Variants in AK4 observed in about 807,000 individuals in gnomAD.
AK4 encodes the protein adenylate kinase 4.
In AK4, 13 loss-of-function variants were observed where a neutral mutation model predicts 24.6. That is an observed-to-expected ratio of 0.53 (90% CI 0.34 to 0.84). The LOEUF is 0.84. Ranked by LOEUF, AK4 falls within the 40% of genes least tolerant of loss-of-function variation. AK4 has a pLI of 0.01. For synonymous variants in AK4, 88 were observed against 107.0 expected, an observed-to-expected ratio of 0.82 and a Z score of 1.10; for missense variants, 192 against 288.2, an observed-to-expected ratio of 0.67 and a Z score of 2.42.
At chr1:65,170,852 G>A (rs1312296130) in intron 1 of AK4, among the ~76,000 whole-genome samples, 3 of 151,978 alleles carry the variant, frequency 2.0e-5, no homozygotes, top group Admixed American at 1.3e-4. Context: ...TAGTTCAAGT[G>A]TTACGCAAGG....
chr1:65,202,200 G>T (rs1016184170), intron 2 of AK4, among the ~76,000 whole-genome samples: 1 of 148,564 alleles, frequency 6.7e-6, no homozygotes, highest in East Asian at 2.1e-4. Context: ...GATTGAGACC[G>T]TCCTGGCTAA....
At chr1:65,196,518 T>G (rs1651477354) in intron 2 of AK4, among the ~76,000 whole-genome samples, 1 of 152,160 alleles carries the variant, frequency 6.6e-6, no homozygotes, top group African/African-American at 2.4e-5. Context: ...CAGGCTGGAG[T>G]GCAGTGGCAT....
intron 4 of AK4, 106 bp from the exon 5 acceptor site, chr1:65,225,957 A>G: frequency 8.3e-7 from 1 of 1,204,288 alleles, no homozygotes. Context: ...AGTGTGGTAT[A>G]TGATATAGAC....
At chr1:65,185,249 T>C (rs979100297) in intron 1 of AK4, among the ~76,000 whole-genome samples, 1 of 152,240 alleles carries the variant, frequency 6.6e-6, no homozygotes, top group African/African-American at 2.4e-5. Flanking sequence ...GTGCGTAGTT[T>C]AGTGCTCTGC....
intron 2 of AK4, among the ~76,000 whole-genome samples, chr1:65,198,263 CT>C (rs1217420563): frequency 6.6e-6 from 1 of 152,192 alleles, no homozygotes; most frequent in South Asian, 2.1e-4. Context: ...TTGTGGAGCT[CT>C]ACTAGGGTGC....
At chr1:65,159,891 C>T (rs536616140) in intron 1 of AK4, among the ~76,000 whole-genome samples, 4 of 150,306 alleles carry the variant, frequency 2.7e-5, no homozygotes, top group African/African-American at 7.4e-5. Context: ...TCGCTTGAAC[C>T]CAGGAGGCGG....
At position 65,185,611 on chromosome 1, in the gene AK4, C is replaced by T. The variant is rs116154707; in HGVS notation, c.146-5099C>T. Among the ~76,000 whole-genome samples the T allele has an allele frequency of 8.7e-3, 1,305 of 150,144 alleles. 20 individuals carry two copies. The highest frequency in any genetic ancestry group is 0.031 in the African/African-American group (1,245 of 40,570). ...AAGAAATAAGGTTGGGCTGTGAAAC[C>T]GAATATGACCATCTTTTTTTTTTTT... On this transcript the variant is annotated intron_variant, in intron 1 of 4. Transcript: ENST00000327299.
intron 1 of AK4, among the ~76,000 whole-genome samples, chr1:65,173,418 G>A (rs1336762489): frequency 6.6e-6 from 1 of 152,038 alleles, no homozygotes; most frequent in Non-Finnish European, 1.5e-5. Context: ...GTGGCTTCCC[G>A]GCACTCCACA....
chr1:65,184,896 G>A (rs1204664902), intron 1 of AK4, among the ~76,000 whole-genome samples: 1 of 152,200 alleles, frequency 6.6e-6, no homozygotes, highest in Non-Finnish European at 1.5e-5. Context: ...CTTGTATCAG[G>A]TTAGAGGACA....
intron 1 of AK4, among the ~76,000 whole-genome samples, chr1:65,178,018 G>A (rs1337054885): frequency 6.6e-6 from 1 of 151,986 alleles, no homozygotes; most frequent in African/African-American, 2.4e-5. Context: ...TGAAAGTCAT[G>A]ACCGTGGCTG....
chr1:65,208,535 TCTTA>T (rs1389511906), intron 2 of AK4, among the ~76,000 whole-genome samples: 2 of 152,166 alleles, frequency 1.3e-5, no homozygotes, highest in African/African-American at 4.8e-5. Context: ...GTAACTTGGT[TCTTA>T]CTTATTCAAC....
intron 1 of AK4, among the ~76,000 whole-genome samples, chr1:65,170,857 G>T (rs1338401279): frequency 1.3e-5 from 2 of 152,198 alleles, no homozygotes; most frequent in East Asian, 1.9e-4. Flanking sequence ...CAAGTGTTAC[G>T]CAAGGCAAAG....
chr1:65,216,666 TCTTC>T (rs1481082811), intron 2 of AK4, among the ~76,000 whole-genome samples: 1 of 142,952 alleles, frequency 7.0e-6, no homozygotes, highest in Admixed American at 6.7e-5. Flanking sequence ...TTTCTCTCTG[TCTTC>T]CTTTTCTTTC....
chr1:65,220,384 A>G (rs1652259387), intron 3 of AK4, among the ~76,000 whole-genome samples: 2 of 152,194 alleles, frequency 1.3e-5, no homozygotes, highest in African/African-American at 4.8e-5. Context: ...CATCACCAGT[A>G]TTTAGTGTAG....
chr1:65,189,527 C>G (rs1651221765), intron 1 of AK4, among the ~76,000 whole-genome samples: 1 of 152,092 alleles, frequency 6.6e-6, no homozygotes, highest in Non-Finnish European at 1.5e-5. Flanking sequence ...ATCTGCCTGC[C>G]TCGGCTTCCC....
At chr1:65,182,635 A>G (rs1650949813) in intron 1 of AK4, among the ~76,000 whole-genome samples, 1 of 152,196 alleles carries the variant, frequency 6.6e-6, no homozygotes, top group South Asian at 2.1e-4. Flanking sequence ...TTACCTAACT[A>G]AAGTCAATTA....
At chr1:65,205,097 C>T (rs997393794) in intron 2 of AK4, among the ~76,000 whole-genome samples, 3 of 152,156 alleles carry the variant, frequency 2.0e-5, no homozygotes, top group African/African-American at 7.2e-5. Context: ...CTCTCCCCTC[C>T]CTGCAGAAGA....
At chr1:65,214,870 T>A (rs1652076172) in intron 2 of AK4, among the ~76,000 whole-genome samples, 1 of 152,212 alleles carries the variant, frequency 6.6e-6, no homozygotes, top group African/African-American at 2.4e-5. Context: ...TGTTTGGGAC[T>A]TTCCTTCCCA....
At chr1:65,219,541 CCATCTTGGAATATAATATAG>C (rs1652234273) in intron 3 of AK4, among the ~76,000 whole-genome samples, 1 of 152,026 alleles carries the variant, frequency 6.6e-6, no homozygotes, top group African/African-American at 2.4e-5. Flanking sequence ...AATATTTATA[CCATCTTGGAATATAATATAG>C]TCAGTAAAAA....
Sources: allele counts gnomAD v4.1 joint callset (sites outside exome capture counted in the v4.1 genomes callset), GRCh38; gene constraint gnomAD v4.1.1; transcripts MANE v1.5; gene names NCBI Gene and HGNC (gene_info 2026-07-23, HGNC 2026-07-21).